Variants in LRP11 observed in about 807,000 individuals in gnomAD.
LRP11 encodes the protein LDL receptor related protein 11, also known as low-density lipoprotein receptor-related protein 11.
Under a neutral mutation model 43.1 loss-of-function variants are expected in LRP11, and 25 were observed. The ratio of observed to expected loss-of-function variants is 0.58; its 90% CI spans 0.42 to 0.81. The LOEUF is 0.81. Ranked by LOEUF, LRP11 falls within the 30% of genes least tolerant of loss-of-function variation. The probability of loss-of-function intolerance (pLI) is 0.00; values close to 1 mark genes in which losing one functional copy is unlikely to be tolerated. For synonymous variants in LRP11, 316 were observed against 299.4 expected (o/e 1.06, Z -0.57); for missense variants, 623 against 665.1 (o/e 0.94, Z 0.70).
intron 5 of LRP11, among the ~76,000 whole-genome samples, chr6:149,826,738 G>A (rs1227749883): frequency 1.3e-5 from 2 of 152,030 alleles, no homozygotes; most frequent in African/African-American, 4.8e-5. Flanking sequence ...GCATATATAA[G>A]GCATTTAGAC....
chr6:149,859,845 T>G (rs1776864603), intron 1 of LRP11, among the ~76,000 whole-genome samples: 1 of 152,196 alleles, frequency 6.6e-6, no homozygotes, highest in Non-Finnish European at 1.5e-5. Context: ...CCTGTCTTCC[T>G]TCCAGATATG....
chr6:149,842,923 C>T lies in LRP11; in HGVS notation c.913+60G>A, dbSNP rs1007174824. The T allele has an allele frequency of 6.9e-6, 11 of 1,599,358 alleles. No homozygotes were observed. In the Admixed American group the frequency reaches 8.4e-5, roughly 12 times the overall value. On this transcript the variant is annotated intron_variant, in intron 3 of 6. Coordinates refer to ENST00000239367, the MANE Select transcript of LRP11 (RefSeq NM_032832.6). ...TGGAGCGCAGAGCCAGAGGACAAAG[C>T]GCCAACCCGACATTGCCTTCCACAA...
chr6:149,843,855 A>C (rs578227100), intron 2 of LRP11, among the ~76,000 whole-genome samples: 2 of 152,028 alleles, frequency 1.3e-5, no homozygotes, highest in African/African-American at 4.8e-5. Context: ...CGCCCACCCA[A>C]TGTAGCTGCT....
At position 149,836,108 on chromosome 6, in the gene LRP11, C is replaced by T; in HGVS notation, c.1229G>A (p.Ser410Asn). The T allele has an allele frequency of 6.2e-7, 1 of 1,614,144 alleles. No homozygotes were observed. Among genetic ancestry groups the T allele is most frequent in the South Asian group, 1.1e-5 (1 of 91,062 alleles). ...ACCTGGCATCACAGGAATGATTTGA[C>T]TCTCTGGTCCCCAAAAGGCGGAATG... Reference protein sequence around the residue: ...RNHSAFWGPESQIIPVMPDSS... With the variant: ...RNHSAFWGPENQIIPVMPDSS... Residue 410 changes from serine (S) to asparagine (N), a missense_variant, in exon 5 of 7, where the codon AGT (serine) becomes AAT (asparagine). By Grantham distance (46) the Ser-to-Asn change is conservative. Transcript: ENST00000239367.
intron 3 of LRP11, among the ~76,000 whole-genome samples, chr6:149,838,259 T>A (rs1583082511): frequency 1.3e-5 from 2 of 152,012 alleles, no homozygotes; most frequent in South Asian, 4.2e-4. Flanking sequence ...TACATTCTTG[T>A]CTCCTAAGTA....
intron 2 of LRP11, 44 bp from the exon 3 acceptor site, chr6:149,843,168 G>A: frequency 6.2e-7 from 1 of 1,612,178 alleles, no homozygotes; most frequent in Non-Finnish European, 8.5e-7. Context: ...GCAGACTTGA[G>A]CTCCGAGCCC....
In LRP11 at chr6:149,836,156, A is replaced by T; in HGVS notation, c.1181T>A (p.Leu394Ter). 6.2e-7 allele frequency: 1 copy of T among 1,614,060 alleles called. No homozygotes were observed. Among genetic ancestry groups the T allele is most frequent in the Non-Finnish European group, 8.5e-7 (1 of 1,180,026 alleles). Residue 394 changes from leucine (L) to a stop codon, truncating the protein, a stop_gained, in exon 5 of 7, where the codon TTA (leucine) becomes TAA (stop). Coordinates refer to ENST00000239367, the MANE Select transcript of LRP11 (RefSeq NM_032832.6). LOFTEE classifies it high-confidence loss of function. The part of the protein sequence containing the change: ...KATAPNKPPA[L>*]SNTEKRNHSA... ...ATGATTCCTCTTCTCTGTGTTTGAT[A>T]ATGCAGGTGGCTTGTTTGGGGCAGT...
intron 2 of LRP11, among the ~76,000 whole-genome samples, chr6:149,845,890 C>T (rs1005160079): frequency 6.6e-6 from 1 of 151,968 alleles, no homozygotes; most frequent in African/African-American, 2.4e-5. Context: ...ATCCTTCTAT[C>T]TCACCTCCAA....
At chr6:149,832,807 T>G (rs1454891321) in intron 5 of LRP11, among the ~76,000 whole-genome samples, 9 of 150,358 alleles carry the variant, frequency 6.0e-5, no homozygotes, top group Non-Finnish European at 1.3e-4. Context: ...TTTTTATTTT[T>G]ATTTTTTTAT....
intron 2 of LRP11, among the ~76,000 whole-genome samples, chr6:149,846,956 T>TAGAATAGAAG (rs1776643473): frequency 2.3e-5 from 2 of 86,200 alleles, no homozygotes; most frequent in Non-Finnish European, 4.7e-5. Flanking sequence ...AATAAAATAA[T>TAGAATAGAAG]AGAATAGAAT....
chr6:149,831,149 C>T (rs532468889), intron 5 of LRP11, among the ~76,000 whole-genome samples: 46 of 152,304 alleles, frequency 3.0e-4, no homozygotes, highest in Non-Finnish European at 6.0e-4. Context: ...TTTTTCCTTT[C>T]TTCTGAATGT....
intron 2 of LRP11, 60 bp downstream of exon 2, chr6:149,852,943 A>G: frequency 6.9e-6 from 10 of 1,450,556 alleles, no homozygotes; most frequent in Non-Finnish European, 9.3e-6. Context: ...GTGGCAGGAC[A>G]TTACAAAAGA....
chr6:149,854,245 C>A (rs750488419), intron 1 of LRP11, among the ~76,000 whole-genome samples: 1 of 152,046 alleles, frequency 6.6e-6, no homozygotes, highest in Non-Finnish European at 1.5e-5. Flanking sequence ...CTTAGCCTCC[C>A]GAGTAGTTAG....
chr6:149,849,197 T>C (rs535617123), intron 2 of LRP11, among the ~76,000 whole-genome samples: 26 of 152,348 alleles, frequency 1.7e-4, no homozygotes, highest in African/African-American at 6.3e-4. Context: ...ATTCCAAATC[T>C]CCTGAATGTC....
chr6:149,839,051 G>GA (rs1484706878), intron 3 of LRP11, among the ~76,000 whole-genome samples: 1 of 145,374 alleles, frequency 6.9e-6, no homozygotes, highest in Non-Finnish European at 1.5e-5. Flanking sequence ...CATACACTTG[G>GA]TTTTTTTTTG....
chr6:149,824,634 G>A (rs1316960566), intron 6 of LRP11, among the ~76,000 whole-genome samples: 18 of 152,102 alleles, frequency 1.2e-4, no homozygotes, highest in Non-Finnish European at 4.4e-5. Context: ...TGAGGCAGGA[G>A]GATCACTTGA....
chr6:149,823,481 G>T (rs762897095), intron 6 of LRP11, among the ~76,000 whole-genome samples: 8 of 152,192 alleles, frequency 5.3e-5, no homozygotes, highest in Non-Finnish European at 1.2e-4. Flanking sequence ...TACTGGAGGG[G>T]AGGAAGAGGG....
At chr6:149,838,801 C>T (rs1776506659) in intron 3 of LRP11, among the ~76,000 whole-genome samples, 1 of 152,126 alleles carries the variant, frequency 6.6e-6, no homozygotes, top group Non-Finnish European at 1.5e-5. Context: ...TGCATTTTCC[C>T]TCTCCCTTGA....
intron 6 of LRP11, among the ~76,000 whole-genome samples, chr6:149,821,585 G>A (rs967694990): frequency 1.3e-5 from 2 of 152,180 alleles, no homozygotes; most frequent in Middle Eastern, 3.2e-3. Context: ...TTCCTGTGAG[G>A]TGGATTCTAG....
Sources: allele counts gnomAD v4.1 joint callset (sites outside exome capture counted in the v4.1 genomes callset), GRCh38; gene constraint gnomAD v4.1.1; transcripts MANE v1.5; gene names NCBI Gene and HGNC (gene_info 2026-07-23, HGNC 2026-07-21).